The following MYO15A variants were observed in gnomAD, a reference collection of about 807,000 sequenced individuals.
MYO15A encodes unconventional myosin-XV.
A neutral mutation model predicts 394.6 loss-of-function variants in MYO15A; 308 were observed. The ratio of observed to expected loss-of-function variants is 0.78; its 90% CI spans 0.71 to 0.86. The LOEUF (loss-of-function observed/expected upper bound fraction) is 0.86. Among genes scored for constraint, MYO15A ranks in the 40% least tolerant of loss-of-function variants. The pLI is 0.00. For missense variants in MYO15A, 4,606 were observed against 4,799.1 expected (o/e 0.96, Z 1.19); for synonymous variants, 1,957 against 2,003.8 (o/e 0.98, Z 0.62).
rs2046499126 is a variant in MYO15A, at chr17:18,147,343, C to T, written c.6510-686C>T. ...TGTGGCAGCTGACAGCAGGGTAAGG[C>T]CGTTGCTGGTCTGCCTGCCTGGGGC... is the stretch of plus-strand genomic sequence containing the variant. On this transcript the variant is annotated intron_variant, in intron 30 of 65. Coordinates refer to ENST00000647165, the MANE Select transcript of MYO15A (RefSeq NM_016239.4). The surrounding 1 kb of genome is among the most constrained non-coding windows in gnomAD (Gnocchi z 4.4). Among the ~76,000 whole-genome samples, 1 of 152,204 alleles carries T rather than the reference C, an allele frequency of 6.6e-6. No homozygotes were observed. Among genetic ancestry groups the T allele is most frequent in the South Asian group, 2.1e-4 (1 of 4,830 alleles).
At position 18,119,185 on chromosome 17, in the gene MYO15A, A is replaced by G; in HGVS notation, c.385A>G (p.Lys129Glu). ...GCGGCCGCGCGCCCGGTCACTCAGC[A>G]AAGCGTCCACGGCCATCAACTGGCT... ...RLRPRARSLS[K>E]ASTAINWLTK... is the part of the protein sequence containing the mutation. The change falls in exon 2 of 66, where the codon AAA (lysine) becomes GAA (glutamate). Residue 129 changes from lysine to glutamate, a missense_variant. This residue lies in a region of MYO15A where 1,830 missense variants were observed against 1,689.7 expected (regional missense o/e 1.08). Transcript: ENST00000647165. 1 of 1,612,452 alleles carries G rather than the reference A, an allele frequency of 6.2e-7. No individual in the cohort carries two copies. Among genetic ancestry groups the G allele is most frequent in the Non-Finnish European group, 8.5e-7 (1 of 1,179,868 alleles).
chr17:18,133,740 A>AC (rs966121926), intron 12 of MYO15A, among the ~76,000 whole-genome samples: 3 of 150,854 alleles, frequency 2.0e-5, no homozygotes, highest in African/African-American at 4.9e-5. Context: ...CACTGCAACC[A>AC]CCGCCTCCCA....
In MYO15A at chr17:18,148,513, C is replaced by T; in HGVS notation, c.6709C>T (p.Pro2237Ser). Residue 2237 changes from proline (P) to serine (S), a missense_variant, in exon 32 of 66, where the codon CCG (proline) becomes TCG (serine). Coordinates refer to ENST00000647165, the MANE Select transcript of MYO15A (RefSeq NM_016239.4). The surrounding 1 kb of genome is among the most constrained non-coding windows in gnomAD (Gnocchi z 4.8). ...GCFNGDQFSC[P>S]VHSWSTGEEV... ...CGCCCCAGGTGACCAGTTCTCCTGC[C>T]CGGTGCACTCCTGGAGTACGGGGGA... The T allele has an allele frequency of 1.9e-6, 3 of 1,552,654 alleles. No individual in the cohort carries two copies. Among genetic ancestry groups the T allele is most frequent in the Non-Finnish European group, 2.6e-6 (3 of 1,147,450 alleles).
rs1270302810 is a variant in MYO15A, at chr17:18,178,849, CA to C, written c.10573del (p.Ser3525AlafsTer29). 5.6e-6 allele frequency: 9 copies of C among 1,613,394 alleles called. No homozygotes were observed. The African/African-American group carries it at 1.1e-4, about 19-fold the overall frequency. ...ATGAGAAGCGGCTCACATTGCCCCC[CA>C]GCGAGATCACCCTGCTCTGACCCAG... is the stretch of plus-strand genomic sequence containing the variant. ...AHEKRLTLPP[S>X]EITLL On this transcript the variant is annotated frameshift_variant, in exon 66 of 66. Transcript: ENST00000647165. LOFTEE classifies it high-confidence loss of function.
intron 9 of MYO15A, 36 bp from the exon 10 acceptor site, chr17:18,131,432 A>G: frequency 6.2e-7 from 1 of 1,612,762 alleles, no homozygotes; most frequent in East Asian, 2.2e-5. Context: ...CAGCCCTCCT[A>G]CCCTCACTGA....
rs768242574 is a variant in MYO15A, at chr17:18,135,713, G to T, written c.4485G>T (p.Thr1495=). Reference sequence around the variant, plus strand: ...ATTCCTGTTGGTATTTTGCATAGACGGATGCACAGGAGGTGGCCTCAGTGG... The same window carrying T: ...ATTCCTGTTGGTATTTTGCATAGACTGATGCACAGGAGGTGGCCTCAGTGG... ...LGNVYFEKYE[T]DAQEVASVVS... is the part of the protein sequence containing the mutation. The change falls in exon 13 of 66, where the codon ACG becomes ACT. Residue 1495 remains threonine, a splice_region_variant and synonymous_variant. Transcript: ENST00000647165. 1 of 1,613,756 alleles carries T rather than the reference G, an allele frequency of 6.2e-7. No individual in the cohort carries two copies. Among genetic ancestry groups the T allele is most frequent in the Non-Finnish European group, 8.5e-7 (1 of 1,179,796 alleles).
At chr17:18,116,982 C>G (rs776220184) in intron 1 of MYO15A, among the ~76,000 whole-genome samples, 22 of 151,964 alleles carry the variant, frequency 1.4e-4, no homozygotes, top group Non-Finnish European at 2.4e-4. Flanking sequence ...CTCAAGCGGG[C>G]AAGAGCCACT....
In MYO15A at chr17:18,156,221, T is replaced by C; in HGVS notation, c.8486T>C (p.Met2829Thr). The C allele has an allele frequency of 6.2e-7, 1 of 1,614,180 alleles. No homozygotes were observed. The highest frequency in any genetic ancestry group is 8.5e-7 in the Non-Finnish European group (1 of 1,180,026). ...TTTGCAGATATCCTGTTTGTGACCA[T>C]GCCCTCCCAGAACATGCTGGAGTTC... ...YSFADILFVT[M>T]PSQNMLEFNL... The change falls in exon 48 of 66, where the codon ATG becomes ACG. Residue 2829 changes from methionine (M) to threonine (T), a missense_variant. Physicochemically the swap from Met to Thr is moderately conservative, Grantham distance 81 (BLOSUM62 -1). This residue lies in a region of MYO15A where 2,776 missense variants were observed against 3,109.3 expected (regional missense o/e 0.89). Coordinates refer to ENST00000647165, the MANE Select transcript of MYO15A (RefSeq NM_016239.4).
Position 18,179,367 on chromosome 17 carries a change from G to C in MYO15A, c.*497G>C, listed in dbSNP as rs772855706. On this transcript the variant is annotated 3_prime_UTR_variant, in exon 66 of 66. Transcript: ENST00000647165. ...GGATTTCTGGTCTTTGGTTATTTCT[G>C]TGCAAACAAAAGGTGTGCCTGGCAG... 29 of 198,864 alleles carry C rather than the reference G, an allele frequency of 1.5e-4. No homozygotes were observed. Among genetic ancestry groups the C allele is most frequent in the Non-Finnish European group, 1.2e-4 (11 of 94,624 alleles). The allele number at this position is 198,864 out of a possible 1,614,324, so 12.3% of individuals were successfully genotyped here.
intron 63 of MYO15A, 61 bp downstream of exon 63, chr17:18,171,832 G>A: frequency 1.3e-6 from 2 of 1,576,240 alleles, no homozygotes; most frequent in Non-Finnish European, 1.7e-6. Flanking sequence ...GGTGGTCATG[G>A]AGGATGGGTA....
rs1283886624 is a variant in MYO15A, at chr17:18,133,140, C to T, written c.4321-85C>T. On this transcript the variant is annotated intron_variant, in intron 11 of 65. Transcript: ENST00000647165. ...CTTGAGTGACCAACTCAGGCCACCA[C>T]ACTACTGGTCAGGGCAGAGCAGGAC... is the stretch of plus-strand genomic sequence containing the variant. The T allele has an allele frequency of 1.3e-5, 18 of 1,438,554 alleles. No individual in the cohort carries two copies. In the South Asian group the frequency reaches 1.7e-4, roughly 13 times the overall value. 89.1% of individuals were successfully genotyped at this position (1,438,554 alleles called of 1,614,324 possible).
rs1204008259 is a variant in MYO15A, at chr17:18,148,039, G to C, written c.6520G>C (p.Asp2174His). 2 of 1,614,082 alleles carry C rather than the reference G, an allele frequency of 1.2e-6. No homozygotes were observed. The highest frequency in any genetic ancestry group is 1.7e-6 in the Non-Finnish European group (2 of 1,180,034). The change falls in exon 31 of 66, where the codon GAT becomes CAT. Residue 2174 changes from aspartate (D) to histidine (H), a missense_variant. Physicochemically the swap from Asp to His is moderately conservative, Grantham distance 81. Coordinates refer to ENST00000647165, the MANE Select transcript of MYO15A (RefSeq NM_016239.4). This position sits in a 1 kb window ranked among gnomAD's most constrained non-coding sequence, Gnocchi z 4.8. ...ACTCCTACCCATCAGGTTTGTGTCT[G>C]ATTATGGGCGGAATGGCTTCCAGGC... ...FNKYLLKFVS[D>H]YGRNGFQAVC...
chr17:18,108,930 G>GC, intron 1 of MYO15A, 106 bp downstream of exon 1: 1 of 152,722 alleles, frequency 6.5e-6, no homozygotes, highest in South Asian at 2.1e-4. Context: ...CTGGGGCCTC[G>GC]CCCCTAACTC....
rs1417620001 is a variant in MYO15A at position 18,155,233 on chromosome 17, C to G, written c.8340+8C>G. ...CGCATCTTCCCCGCCACGGTGCGAG[C>G]CCCTCACTTGCCCCCTACCTGTCCA... On this transcript the variant is annotated splice_region_variant and intron_variant, in intron 46 of 65. Coordinates refer to ENST00000647165, the MANE Select transcript of MYO15A (RefSeq NM_016239.4). The G allele has an allele frequency of 1.9e-6, 3 of 1,613,716 alleles. No homozygotes were observed. The African/African-American group carries it at 4.0e-5, about 22-fold the overall frequency.
rs747226541 is a variant in MYO15A at position 18,121,718 on chromosome 17, C to T, written c.2918C>T (p.Ser973Phe). The T allele has an allele frequency of 9.4e-6, 15 of 1,600,642 alleles. No individual in the cohort carries two copies. The Admixed American group carries it at 2.5e-4, about 27-fold the overall frequency. ...PFLQLLGPVP[S>F]PTLQPEDPAA... Reference sequence around the variant, plus strand: ...CTCCAGCTCCTGGGCCCTGTGCCATCCCCCACCCTCCAGCCTGAGGATCCA... The same window carrying T: ...CTCCAGCTCCTGGGCCCTGTGCCATTCCCCACCCTCCAGCCTGAGGATCCA... The change falls in exon 2 of 66, where the codon TCC becomes TTC. Residue 973 changes from serine (S) to phenylalanine (F), a missense_variant. Ser to Phe is a radical substitution (Grantham distance 155). Around this residue, in one of 2 missense-constraint regions of MYO15A, gnomAD observed 1,830 missense variants for 1,689.7 expected, o/e 1.08. Coordinates refer to ENST00000647165, the MANE Select transcript of MYO15A (RefSeq NM_016239.4). The surrounding 1 kb of genome is among the most constrained non-coding windows in gnomAD (Gnocchi z 5.3).
Position 18,120,672 on chromosome 17 carries a change from G to T in MYO15A, c.1872G>T (p.Thr624=). Residue 624 remains threonine, a synonymous_variant, in exon 2 of 66, where the codon ACG becomes ACT. Coordinates refer to ENST00000647165, the MANE Select transcript of MYO15A (RefSeq NM_016239.4). ...LAGMDPEKPG[T]PIVLRRAQPR... is the part of the protein sequence containing the mutation. ...GCATGGACCCCGAGAAGCCCGGCACGCCCATCGTGCTGAGGAGGGCCCAGC... is the reference window on the plus strand; with the variant it reads ...GCATGGACCCCGAGAAGCCCGGCACTCCCATCGTGCTGAGGAGGGCCCAGC... 3 of 1,582,248 alleles carry T rather than the reference G, an allele frequency of 1.9e-6. No homozygotes were observed. Among genetic ancestry groups the T allele is most frequent in the East Asian group, 2.3e-5 (1 of 43,656 alleles).
At chr17:18,127,029 G>C in intron 6 of MYO15A, 46 bp from the exon 7 acceptor site, 2 of 1,612,006 alleles carry the variant, frequency 1.2e-6, no homozygotes, top group Non-Finnish European at 1.7e-6. Context: ...TGCCCCAGAA[G>C]AGGCAGCGAA....
At position 18,118,796 on chromosome 17, in the gene MYO15A, C is replaced by T; in HGVS notation, c.-5C>T. On this transcript the variant is annotated 5_prime_UTR_variant, in exon 2 of 66. Coordinates refer to ENST00000647165, the MANE Select transcript of MYO15A (RefSeq NM_016239.4). The stretch of plus-strand genomic sequence containing the variant: ...CCCAGGCCCTGTAGAGAGCAGGCAG[C>T]CACCATGGCGAAGGAGGAAGATGAG... 6.2e-7 allele frequency: 1 copy of T among 1,608,038 alleles called. No individual in the cohort carries two copies. Among genetic ancestry groups the T allele is most frequent in the African/African-American group, 1.3e-5 (1 of 74,918 alleles).
chr17:18,136,905 T>C (rs982230520), intron 15 of MYO15A, among the ~76,000 whole-genome samples: 4 of 152,218 alleles, frequency 2.6e-5, no homozygotes, highest in Admixed American at 2.6e-4. Context: ...TGCTGGGCAA[T>C]ACCAGCTGCC....
Sources: allele counts gnomAD v4.1 joint callset (sites outside exome capture counted in the v4.1 genomes callset), GRCh38; gene constraint gnomAD v4.1.1; regional missense constraint gnomAD v4.1.1; non-coding constraint Gnocchi (gnomAD v3.1); transcripts MANE v1.5; gene names NCBI Gene and HGNC (gene_info 2026-07-23, HGNC 2026-07-21).